TET2: variants seen among roughly 807,000 people sequenced by gnomAD.
TET2 encodes tet methylcytosine dioxygenase 2.
TET2 carries 299 observed loss-of-function variants against 142.9 expected under a neutral mutation model. The ratio of observed to expected loss-of-function variants is 2.09; its 90% CI spans 1.90 to 2.30. The LOEUF (loss-of-function observed/expected upper bound fraction) is 2.30, where lower values mean the gene tolerates loss of function less well. TET2 is among the 30% of genes most tolerant of loss of function. The pLI, the probability that TET2 is intolerant of heterozygous loss-of-function variation, is 0.00. For missense variants in TET2, 2,418 were observed against 2,378.0 expected (o/e 1.02, Z -0.35); for synonymous variants, 819 against 849.0 (o/e 0.96, Z 0.61).
At chr4:105,209,653 T>C (rs1354153168) in intron 2 of TET2, among the ~76,000 whole-genome samples, 1 of 152,168 alleles carries the variant, frequency 6.6e-6, no homozygotes, top group Non-Finnish European at 1.5e-5. Context: ...CTAAAATACA[T>C]AATTTTACTC....
chr4:105,150,452 C>T (rs968709408), intron 1 of TET2, among the ~76,000 whole-genome samples: 1 of 152,120 alleles, frequency 6.6e-6, no homozygotes, highest in Non-Finnish European at 1.5e-5. Context: ...TTGTTTCCTA[C>T]CTTGGGAACA....
chr4:105,258,132 A>G (rs1730233481), intron 6 of TET2, among the ~76,000 whole-genome samples: 1 of 152,158 alleles, frequency 6.6e-6, no homozygotes, highest in Admixed American at 6.6e-5. Context: ...CTTCTCACTG[A>G]AATCCTGTCT....
At chr4:105,199,599 T>G (rs11726786) in intron 2 of TET2, among the ~76,000 whole-genome samples, 39,264 of 152,128 alleles carry the variant, frequency 0.26, 5,961 homozygotes, top group Non-Finnish European at 0.35. Flanking sequence ...ATAGGCAACC[T>G]TGGGTCATGG....
At chr4:105,207,122 A>T (rs1332948660) in intron 2 of TET2, among the ~76,000 whole-genome samples, 1 of 152,224 alleles carries the variant, frequency 6.6e-6, no homozygotes, top group Non-Finnish European at 1.5e-5. Context: ...AATTTTACAT[A>T]AATTTTACTA....
At chr4:105,179,385 G>C (rs951878796) in intron 1 of TET2, among the ~76,000 whole-genome samples, 3 of 152,142 alleles carry the variant, frequency 2.0e-5, no homozygotes, top group Admixed American at 1.3e-4. Context: ...AAAAGAAATA[G>C]GGGAGGTGAT....
chr4:105,278,171 C>CACATATATAT lies in TET2; in HGVS notation c.*1653_*1654insCATATATATA, dbSNP rs1553918863. The CACATATATAT allele has an allele frequency of 8.8e-6, 1 of 113,940 alleles. No individual in the cohort carries two copies. The allele number at this position is 113,940 out of a possible 1,614,324, so 7.1% of individuals were successfully genotyped here. A position where few individuals can be genotyped will look rare whatever the true frequency, so the allele number is the denominator to read the frequency against. ...GTACTGTAAAAAAATTAAATATATA[C>CACATATATAT]ATATATATATATATATATATATATA... On this transcript the variant is annotated 3_prime_UTR_variant, in exon 11 of 11. Transcript: ENST00000380013.
intron 10 of TET2, among the ~76,000 whole-genome samples, chr4:105,274,636 C>G (rs1731110302): frequency 6.6e-6 from 1 of 152,050 alleles, no homozygotes; most frequent in Non-Finnish European, 1.5e-5. Context: ...ATTGCTTTAT[C>G]AGATCTATCT....
At chr4:105,173,217 G>A (rs994150939) in intron 1 of TET2, among the ~76,000 whole-genome samples, 5 of 152,026 alleles carry the variant, frequency 3.3e-5, no homozygotes, top group African/African-American at 9.7e-5. Flanking sequence ...TTACCAAAAC[G>A]ATAAGTTCCA....
At chr4:105,263,029 A>T (rs1286311908) in intron 8 of TET2, among the ~76,000 whole-genome samples, 1 of 43,724 alleles carries the variant, frequency 2.3e-5, no homozygotes, top group Non-Finnish European at 7.0e-5. Flanking sequence ...CCCAGATTCT[A>T]AAAAAAAAGC....
chr4:105,170,993 T>C (rs1057381545), intron 1 of TET2, among the ~76,000 whole-genome samples: 3 of 152,222 alleles, frequency 2.0e-5, no homozygotes, highest in Non-Finnish European at 4.4e-5. Context: ...TTCCAATATC[T>C]TTAACATCTG....
At chr4:105,194,923 A>G (rs1017554242) in intron 2 of TET2, among the ~76,000 whole-genome samples, 11 of 152,170 alleles carry the variant, frequency 7.2e-5, no homozygotes, top group Admixed American at 2.6e-4. Flanking sequence ...GGTGTCTTGC[A>G]TATATATTAA....
intron 1 of TET2, among the ~76,000 whole-genome samples, chr4:105,187,412 A>C (rs1725522027): frequency 6.6e-6 from 1 of 152,172 alleles, no homozygotes; most frequent in South Asian, 2.1e-4. Context: ...ATTTCTTTAA[A>C]AAGAAAAATG....
intron 7 of TET2, among the ~76,000 whole-genome samples, chr4:105,261,324 T>C (rs1730415312): frequency 6.6e-6 from 1 of 152,144 alleles, no homozygotes; most frequent in African/African-American, 2.4e-5. Context: ...AGTTGCTCTA[T>C]GGAGAGATCA....
At chr4:105,220,546 C>T (rs186664385) in intron 2 of TET2, among the ~76,000 whole-genome samples, 1 of 152,154 alleles carries the variant, frequency 6.6e-6, no homozygotes, top group Non-Finnish European at 1.5e-5. Context: ...TCCCCTCCCC[C>T]TCTACCGTGA....
At chr4:105,269,879 GCCTCA>G in intron 9 of TET2, 132 bp downstream of exon 9, 1 of 1,096,650 alleles carries the variant, frequency 9.1e-7, no homozygotes. Flanking sequence ...GGCTGTGGAG[GCCTCA>G]CAATCATAGC....
At chr4:105,257,888 A>AGTAAAGATAACCTTACTAGT (rs1469159067) in intron 6 of TET2, among the ~76,000 whole-genome samples, 1 of 152,186 alleles carries the variant, frequency 6.6e-6, no homozygotes, top group Non-Finnish European at 1.5e-5. Flanking sequence ...AGTTAGATAA[A>AGTAAAGATAACCTTACTAGT]GTAAAGATAA....
At chr4:105,197,469 A>C (rs1726161409) in intron 2 of TET2, among the ~76,000 whole-genome samples, 1 of 152,200 alleles carries the variant, frequency 6.6e-6, no homozygotes, top group South Asian at 2.1e-4. Context: ...GAGAAGCAGA[A>C]AGTGGTCAGT....
At chr4:105,209,139 G>T (rs545613963) in intron 2 of TET2, among the ~76,000 whole-genome samples, 4 of 130,310 alleles carry the variant, frequency 3.1e-5, no homozygotes, top group Admixed American at 8.8e-5. Context: ...GAATACACTG[G>T]TATAAATGTC....
intron 1 of TET2, among the ~76,000 whole-genome samples, chr4:105,169,618 A>G (rs1724344084): frequency 1.3e-5 from 2 of 151,918 alleles, no homozygotes; most frequent in Non-Finnish European, 2.9e-5. Context: ...TTTTTGTTGC[A>G]TTTGCTTTTG....
Sources: allele counts gnomAD v4.1 joint callset (sites outside exome capture counted in the v4.1 genomes callset), GRCh38; gene constraint gnomAD v4.1.1; transcripts MANE v1.5; gene names NCBI Gene and HGNC (gene_info 2026-07-23, HGNC 2026-07-21).